Variants in COBL observed in about 807,000 individuals in gnomAD.
The protein encoded by COBL is protein cordon-bleu.
COBL carries 51 observed loss-of-function variants against 98.8 expected under a neutral mutation model. That is an observed-to-expected ratio of 0.52 (90% CI 0.41 to 0.65). The LOEUF (loss-of-function observed/expected upper bound fraction) is 0.65. COBL is among the 30% of genes least tolerant of loss of function. The pLI is 0.00. For synonymous variants in COBL, 634 were observed against 651.7 expected (o/e 0.97, Z 0.41); for missense variants, 1,617 against 1,617.5 (o/e 1.00, Z 0.01).
chr7:51,141,668 C>G (rs371401115), intron 5 of COBL, among the ~76,000 whole-genome samples: 66 of 149,614 alleles, frequency 4.4e-4, no homozygotes, highest in African/African-American at 1.5e-3. Context: ...GTTAAAGAAT[C>G]GAGTGGGAGG....
intron 1 of COBL, among the ~76,000 whole-genome samples, chr7:51,251,239 G>A (rs901498753): frequency 5.9e-5 from 9 of 152,144 alleles, no homozygotes; most frequent in Non-Finnish European, 1.0e-4. Flanking sequence ...GACATGCCAG[G>A]TATTTTGCTT....
intron 1 of COBL, among the ~76,000 whole-genome samples, chr7:51,264,398 T>C (rs1465546583): frequency 7.2e-5 from 11 of 152,140 alleles, no homozygotes; most frequent in Admixed American, 6.5e-4. Flanking sequence ...CGGCCAGGCA[T>C]GGTGGCTCAC....
At chr7:51,218,842 T>C (rs1224633894) in intron 2 of COBL, among the ~76,000 whole-genome samples, 1 of 152,224 alleles carries the variant, frequency 6.6e-6, no homozygotes, top group Non-Finnish European at 1.5e-5. Flanking sequence ...ATCAGAATCA[T>C]ACAAATATGT....
chr7:51,204,215 A>C (rs928467054), intron 2 of COBL, among the ~76,000 whole-genome samples: 8 of 152,210 alleles, frequency 5.3e-5, no homozygotes, highest in African/African-American at 1.7e-4. Flanking sequence ...GCAGAGAAGG[A>C]ATTTACTTCA....
chr7:51,260,508 C>T (rs1212504923), intron 1 of COBL, among the ~76,000 whole-genome samples: 1 of 152,206 alleles, frequency 6.6e-6, no homozygotes, highest in African/African-American at 2.4e-5. Context: ...CACAGATAAA[C>T]AAACACTCAA....
intron 7 of COBL, among the ~76,000 whole-genome samples, chr7:51,047,106 A>G (rs189961295): frequency 6.6e-6 from 1 of 152,340 alleles, no homozygotes; most frequent in East Asian, 1.9e-4. Flanking sequence ...TTTTGAGTTA[A>G]TTAATGCACT....
In COBL at chr7:51,124,222, T is replaced by A. The variant is rs375348573; in HGVS notation, c.957+11936A>T. Among the ~76,000 whole-genome samples, 44 of 152,360 alleles carry A rather than the reference T, an allele frequency of 2.9e-4. No homozygotes were observed. In the South Asian group the frequency reaches 8.7e-3, roughly 30 times the overall value. On this transcript the variant is annotated intron_variant, in intron 6 of 12. Transcript: ENST00000265136. ...TTGGGACCTGCATCATGGGACCAGT[T>A]GGCCGACGACTGGATGACGGTGCCT...
intron 1 of COBL, among the ~76,000 whole-genome samples, chr7:51,237,780 G>A (rs990087077): frequency 1.2e-4 from 18 of 152,156 alleles, no homozygotes; most frequent in Non-Finnish European, 1.8e-4. Flanking sequence ...AAAACAAAAC[G>A]TGTATTAGAA....
At chr7:51,100,144 A>G (rs1367470245) in intron 6 of COBL, among the ~76,000 whole-genome samples, 1 of 152,234 alleles carries the variant, frequency 6.6e-6, no homozygotes, top group Non-Finnish European at 1.5e-5. Context: ...AGTTGACATC[A>G]ATCTATTAAC....
intron 12 of COBL, among the ~76,000 whole-genome samples, chr7:51,020,029 C>A (rs546453730): frequency 6.6e-6 from 1 of 152,210 alleles, no homozygotes; most frequent in East Asian, 1.9e-4. Flanking sequence ...GCGTGTGGCC[C>A]GCATCAATTA....
At chr7:51,297,079 C>A (rs1240709328) in intron 1 of COBL, among the ~76,000 whole-genome samples, 2 of 152,164 alleles carry the variant, frequency 1.3e-5, no homozygotes, top group Non-Finnish European at 2.9e-5. Flanking sequence ...CAGGCAGCAT[C>A]CCCCTGCAAA....
At chr7:51,215,072 T>C (rs1792898526) in intron 2 of COBL, among the ~76,000 whole-genome samples, 1 of 152,170 alleles carries the variant, frequency 6.6e-6, no homozygotes, top group Admixed American at 6.6e-5. Flanking sequence ...ATAAACTCAG[T>C]ATATATTTTG....
At chr7:51,053,840 G>C (rs761295837) in intron 7 of COBL, among the ~76,000 whole-genome samples, 2 of 152,206 alleles carry the variant, frequency 1.3e-5, no homozygotes, top group African/African-American at 2.4e-5. Context: ...AATTGTCACT[G>C]TTCCTCTGCA....
rs1787580315 is a variant in COBL, at chr7:51,026,542, T to C, written c.3504+4A>G. The C allele has an allele frequency of 1.2e-6, 2 of 1,613,794 alleles. No homozygotes were observed. The highest frequency in any genetic ancestry group is 1.7e-6 in the Non-Finnish European group (2 of 1,179,924). On this transcript the variant is annotated splice_donor_region_variant and intron_variant, in intron 11 of 12. Transcript: ENST00000265136. ...GGCGCCATGGAAGGCCCTTCACCTC[T>C]TACCTTCCTCAGGCTGCAGGTGCCG...
intron 7 of COBL, among the ~76,000 whole-genome samples, chr7:51,079,360 T>A (rs1391424001): frequency 6.6e-6 from 1 of 152,230 alleles, no homozygotes; most frequent in East Asian, 1.9e-4. Context: ...ACATGTTTAA[T>A]GAAGCTGAAT....
intron 6 of COBL, among the ~76,000 whole-genome samples, chr7:51,100,073 T>C (rs1340027545): frequency 1.3e-5 from 2 of 152,174 alleles, no homozygotes; most frequent in Non-Finnish European, 2.9e-5. Flanking sequence ...TTCCACCCTA[T>C]TTGTTGATAA....
chr7:51,237,398 G>T (rs1175555842), intron 1 of COBL, among the ~76,000 whole-genome samples: 1 of 152,034 alleles, frequency 6.6e-6, no homozygotes, highest in Non-Finnish European at 1.5e-5. Flanking sequence ...ATATTACATT[G>T]TAACTTTACT....
intron 7 of COBL, among the ~76,000 whole-genome samples, chr7:51,068,926 A>C (rs537858609): frequency 6.6e-6 from 1 of 152,288 alleles, no homozygotes; most frequent in African/African-American, 2.4e-5. Flanking sequence ...CTTCACATCT[A>C]AGGTTTCTGC....
intron 5 of COBL, among the ~76,000 whole-genome samples, chr7:51,152,621 C>T (rs1004655919): frequency 6.6e-6 from 1 of 152,230 alleles, no homozygotes; most frequent in African/African-American, 2.4e-5. Flanking sequence ...CTGCTGTGAG[C>T]TTTCTCTGTT....
Sources: allele counts gnomAD v4.1 joint callset (sites outside exome capture counted in the v4.1 genomes callset), GRCh38; gene constraint gnomAD v4.1.1; transcripts MANE v1.5; gene names NCBI Gene and HGNC (gene_info 2026-07-23, HGNC 2026-07-21).